NREP: variants seen among roughly 807,000 people sequenced by gnomAD.
NREP encodes neuronal regeneration-related protein.
In NREP, 5 loss-of-function variants were observed where a neutral mutation model predicts 8.6. The observed-to-expected ratio is 0.58, with a 90% confidence interval of 0.30 to 1.22. The LOEUF (loss-of-function observed/expected upper bound fraction) is 1.22, where lower values mean the gene tolerates loss of function less well. NREP is among the 50% of genes most tolerant of loss of function. The pLI, the probability that NREP is intolerant of heterozygous loss-of-function variation, is 0.07. For missense variants in NREP, 86 were observed against 82.5 expected (o/e 1.04, Z -0.17); for synonymous variants, 27 against 28.0 (o/e 0.96, Z 0.11).
At chr5:111,744,013 T>C (rs1218575768) in intron 2 of NREP, among the ~76,000 whole-genome samples, 1 of 152,158 alleles carries the variant, frequency 6.6e-6, no homozygotes, top group Non-Finnish European at 1.5e-5. Flanking sequence ...TATTTAGACA[T>C]AGGATTTTGG....
intron 3 of NREP, chr5:111,731,777 C>T (rs1748606675): frequency 6.6e-6 from 1 of 152,244 alleles, no homozygotes; most frequent in South Asian, 2.1e-4. Flanking sequence ...GTGTTTCTGA[C>T]TAGAATAACT....
chr5:111,924,967 C>T (rs552773548), intron 2 of NREP, among the ~76,000 whole-genome samples: 1 of 152,120 alleles, frequency 6.6e-6, no homozygotes, highest in South Asian at 2.1e-4. Flanking sequence ...GATTAAAAAG[C>T]CATGTGTAAA....
At position 111,943,403 on chromosome 5, in the gene NREP, A is replaced by G. The variant is rs183068397; in HGVS notation, c.135+31871T>C. The stretch of plus-strand genomic sequence containing the variant: ...TCCTTCCCCAGCCCTTTCTCATTCT[A>G]TACACATTTCCCTGGGTGGTGAAGA... On this transcript the variant is annotated intron_variant, in intron 2 of 3. Transcript: ENST00000395634. Among the ~76,000 whole-genome samples, 12 of 151,972 alleles carry G rather than the reference A, an allele frequency of 7.9e-5. No individual in the cohort carries two copies. The East Asian group carries it at 2.1e-3, about 27-fold the overall frequency.
intron 2 of NREP, among the ~76,000 whole-genome samples, chr5:111,904,675 T>A (rs1301972026): frequency 6.6e-6 from 1 of 152,156 alleles, no homozygotes; most frequent in Non-Finnish European, 1.5e-5. Context: ...CTCCATGGTA[T>A]AATGAGTATT....
chr5:111,767,366 G>A (rs1751109956), intron 2 of NREP, among the ~76,000 whole-genome samples: 1 of 152,060 alleles, frequency 6.6e-6, no homozygotes, highest in African/African-American at 2.4e-5. Flanking sequence ...TCTCTCAAGT[G>A]GCTTTACAAC....
At chr5:111,952,845 T>G (rs1026711972) in intron 2 of NREP, among the ~76,000 whole-genome samples, 8 of 152,130 alleles carry the variant, frequency 5.3e-5, no homozygotes, top group African/African-American at 1.9e-4. Flanking sequence ...CTCTGTATTA[T>G]AGCTTACAAA....
In NREP at chr5:111,844,427, ATATT is replaced by A. The variant is rs538927816; in HGVS notation, c.136-108924_136-108921del. On this transcript the variant is annotated intron_variant, in intron 2 of 3. Coordinates refer to the NREP transcript ENST00000395634. The stretch of plus-strand genomic sequence containing the variant: ...TAATAATTATTTTTACAGTTAATGA[ATATT>A]TATATTTATGCACAATTTAAAGCAT... Among the ~76,000 whole-genome samples the A allele has an allele frequency of 7.0e-4, 106 of 151,562 alleles. 1 individual carries two copies. The highest frequency in any genetic ancestry group is 2.4e-3 in the African/African-American group (100 of 41,430).
At chr5:111,952,209 T>C (rs996649675) in intron 2 of NREP, among the ~76,000 whole-genome samples, 2 of 152,136 alleles carry the variant, frequency 1.3e-5, no homozygotes, top group African/African-American at 2.4e-5. Flanking sequence ...TTTTTCAACA[T>C]GGGACACCTG....
intron 3 of NREP, chr5:111,733,530 T>C (rs1484963434): frequency 2.0e-5 from 3 of 152,050 alleles, no homozygotes; most frequent in Non-Finnish European, 4.4e-5. Context: ...ATAATAGGCT[T>C]TCTGCCCCAA....
At chr5:111,855,366 C>T (rs541975655) in intron 2 of NREP, among the ~76,000 whole-genome samples, 16 of 152,230 alleles carry the variant, frequency 1.1e-4, no homozygotes, top group South Asian at 4.2e-4. Flanking sequence ...GCACAGTTGT[C>T]GGCACAGGTA....
intron 2 of NREP, among the ~76,000 whole-genome samples, chr5:111,934,434 G>A (rs933900694): frequency 6.6e-6 from 1 of 151,930 alleles, no homozygotes; most frequent in African/African-American, 2.4e-5. Flanking sequence ...TAGGGGAAGA[G>A]GAGGAAAGAG....
intron 2 of NREP, among the ~76,000 whole-genome samples, chr5:111,858,770 G>A (rs977171675): frequency 7.9e-5 from 12 of 152,142 alleles, no homozygotes; most frequent in Non-Finnish European, 5.9e-5. Context: ...ACTGTTAAAA[G>A]GCTAGAACTT....
chr5:111,819,354 T>G (rs368736950), intron 2 of NREP, among the ~76,000 whole-genome samples: 1 of 152,094 alleles, frequency 6.6e-6, no homozygotes, highest in Non-Finnish European at 1.5e-5. Context: ...CCCTAGCCAA[T>G]AGGGGAATGA....
At chr5:111,883,745 A>G (rs964948659) in intron 2 of NREP, among the ~76,000 whole-genome samples, 1 of 152,182 alleles carries the variant, frequency 6.6e-6, no homozygotes, top group African/African-American at 2.4e-5. Flanking sequence ...AAAAAATGAA[A>G]GCAGAAATAA....
At chr5:111,733,096 ATTTACCATT>A (rs1748750232) in intron 3 of NREP, 1 of 152,204 alleles carries the variant, frequency 6.6e-6, no homozygotes, top group African/African-American at 2.4e-5. Flanking sequence ...TCAGATTTGA[ATTTACCATT>A]TTTACCATTT....
chr5:111,835,068 G>A (rs886482627), intron 2 of NREP, among the ~76,000 whole-genome samples: 15 of 152,058 alleles, frequency 9.9e-5, no homozygotes, highest in Non-Finnish European at 1.5e-5. Context: ...TTTATTTGCT[G>A]CTCTCACCAC....
intron 2 of NREP, among the ~76,000 whole-genome samples, chr5:111,815,062 A>G (rs953804428): frequency 2.0e-5 from 3 of 152,120 alleles, no homozygotes; most frequent in African/African-American, 7.2e-5. Context: ...ATGAGCCGAC[A>G]TTTTCCCTTG....
intron 2 of NREP, among the ~76,000 whole-genome samples, chr5:111,817,041 TTAA>T (rs905971184): frequency 2.6e-5 from 4 of 152,178 alleles, no homozygotes; most frequent in African/African-American, 4.8e-5. Flanking sequence ...GATGTGCTTT[TTAA>T]TAATATTTTA....
At chr5:111,799,194 G>C (rs772295375) in intron 2 of NREP, among the ~76,000 whole-genome samples, 3 of 152,074 alleles carry the variant, frequency 2.0e-5, no homozygotes, top group Non-Finnish European at 2.9e-5. Flanking sequence ...TTTGAAGTTG[G>C]GTAATGTGAT....
Sources: gnomAD v4.1 joint callset for allele counts (sites outside exome capture counted in the v4.1 genomes callset) on GRCh38, gnomAD v4.1.1 for gene constraint, MANE v1.5 for transcripts, NCBI Gene and HGNC (gene_info 2026-07-23, HGNC 2026-07-21) for gene names.